Variants in AKT3 observed in about 807,000 individuals in gnomAD.
AKT3 encodes AKT serine/threonine kinase 3, also known as RAC-gamma serine/threonine-protein kinase.
Under a neutral mutation model 65.3 loss-of-function variants are expected in AKT3, and 15 were observed. That is an observed-to-expected ratio of 0.23 (90% CI 0.15 to 0.35). The LOEUF (loss-of-function observed/expected upper bound fraction) is 0.35. Ranked by LOEUF, AKT3 falls within the 10% of genes least tolerant of loss-of-function variation. AKT3 has a pLI of 1.00. For synonymous variants in AKT3, 206 were observed against 183.8 expected (o/e 1.12, Z -0.98); for missense variants, 243 against 576.5 (o/e 0.42, Z 5.92).
intron 5 of AKT3, among the ~76,000 whole-genome samples, chr1:243,642,423 C>T (rs939498583): frequency 3.3e-5 from 5 of 152,226 alleles, no homozygotes; most frequent in Admixed American, 3.3e-4. Flanking sequence ...CATTCTCCTG[C>T]CTCAGCCTCC....
chr1:243,677,007 C>G (rs1180141504), intron 3 of AKT3, among the ~76,000 whole-genome samples: 1 of 152,164 alleles, frequency 6.6e-6, no homozygotes, highest in Non-Finnish European at 1.5e-5. Context: ...CATTTCTTAG[C>G]CTGACTTTCA....
intron 3 of AKT3, among the ~76,000 whole-genome samples, chr1:243,685,253 C>G (rs1443859241): frequency 6.6e-6 from 1 of 152,106 alleles, no homozygotes; most frequent in Non-Finnish European, 1.5e-5. Context: ...ATATTATTGC[C>G]TAGGTTTTCT....
At position 243,503,558 on chromosome 1, in the gene AKT3, T is replaced by G. The variant is rs1669474848; in HGVS notation, c.*1691A>C. 4.3e-6 allele frequency: 1 copy of G among 233,268 alleles called. No homozygotes were observed. The highest frequency in any genetic ancestry group is 8.5e-6 in the Non-Finnish European group (1 of 117,848). 14.4% of individuals were successfully genotyped at this position (233,268 alleles called of 1,614,324 possible). On this transcript the variant is annotated 3_prime_UTR_variant, in exon 14 of 14. Coordinates refer to ENST00000673466, the MANE Select transcript of AKT3 (RefSeq NM_005465.7). Reference sequence around the variant, plus strand: ...GCCCCTAGGACTTCACAGGCTGCTTTGGAAATTGTCAGCTCCTAGCACCAA... The same window carrying G: ...GCCCCTAGGACTTCACAGGCTGCTTGGGAAATTGTCAGCTCCTAGCACCAA...
chr1:243,696,991 T>C (rs1472312431), intron 2 of AKT3, among the ~76,000 whole-genome samples: 1 of 152,038 alleles, frequency 6.6e-6, no homozygotes, highest in Non-Finnish European at 1.5e-5. Context: ...CACCCCAACA[T>C]GTATTTCAGA....
intron 8 of AKT3, among the ~76,000 whole-genome samples, chr1:243,597,179 T>C (rs1294864730): frequency 6.6e-6 from 1 of 152,222 alleles, no homozygotes; most frequent in East Asian, 1.9e-4. Flanking sequence ...CATCTAATCA[T>C]ATACTTAAAA....
intron 13 of AKT3, 50 bp downstream of exon 13, chr1:243,512,274 T>C: frequency 9.7e-7 from 1 of 1,029,800 alleles, no homozygotes; most frequent in Non-Finnish European, 1.4e-6. Flanking sequence ...TCAATTACAT[T>C]AGGAGAAATT....
At chr1:243,593,127 A>G (rs1571995094) in intron 8 of AKT3, among the ~76,000 whole-genome samples, 2 of 152,226 alleles carry the variant, frequency 1.3e-5, no homozygotes, top group Admixed American at 6.5e-5. Context: ...TTACAATTTT[A>G]TAGAAACACT....
rs536608535 is a variant in AKT3, at chr1:243,567,704, A to C, written c.820-3856T>G. Among the ~76,000 whole-genome samples, 18 of 151,742 alleles carry C rather than the reference A, an allele frequency of 1.2e-4. No individual in the cohort carries two copies. In the South Asian group the frequency reaches 3.1e-3, roughly 26 times the overall value. On this transcript the variant is annotated intron_variant, in intron 9 of 13. Transcript: ENST00000673466. ...ACTTTGTCTTCTCTCACCATCCTAA[A>C]ACGTTGTTTTGCTGAGCATGAATGA...
chr1:243,829,609 G>T (rs1260324766), intron 2 of AKT3, among the ~76,000 whole-genome samples: 1 of 151,990 alleles, frequency 6.6e-6, no homozygotes. Context: ...CTAAGAACAA[G>T]AATAATAATT....
At chr1:243,491,501 C>A (rs771505282) in intron 13 of AKT3, among the ~76,000 whole-genome samples, 2 of 152,188 alleles carry the variant, frequency 1.3e-5, no homozygotes, top group Admixed American at 6.5e-5. Flanking sequence ...GTTGCAAATA[C>A]TAGTGGTCAG....
intron 9 of AKT3, among the ~76,000 whole-genome samples, 192 bp from the exon 10 acceptor site, chr1:243,564,040 C>A (rs868339890): frequency 1.3e-5 from 2 of 152,064 alleles, no homozygotes; most frequent in Non-Finnish European, 2.9e-5. Flanking sequence ...AAATACTTCA[C>A]GATGATAAAA....
intron 2 of AKT3, among the ~76,000 whole-genome samples, chr1:243,697,610 T>C (rs1390967157): frequency 1.3e-5 from 2 of 152,090 alleles, no homozygotes; most frequent in Admixed American, 6.6e-5. Flanking sequence ...ACATTATGCA[T>C]TGGTCACATA....
At chr1:243,668,613 T>A (rs1199720004) in intron 3 of AKT3, among the ~76,000 whole-genome samples, 1 of 152,166 alleles carries the variant, frequency 6.6e-6, no homozygotes, top group Non-Finnish European at 1.5e-5. Context: ...CTGAATTTAA[T>A]AATGAAGAAT....
At chr1:243,635,251 G>A (rs920895197) in intron 6 of AKT3, among the ~76,000 whole-genome samples, 3 of 151,714 alleles carry the variant, frequency 2.0e-5, no homozygotes, top group African/African-American at 4.8e-5. Flanking sequence ...ACAAAAATAC[G>A]ACAGACTAAA....
intron 6 of AKT3, among the ~76,000 whole-genome samples, chr1:243,627,346 A>G (rs960553871): frequency 7.2e-6 from 1 of 139,332 alleles, no homozygotes; most frequent in Non-Finnish European, 1.5e-5. Context: ...AAAAAAAAAG[A>G]GAGAGAGACA....
At chr1:243,617,756 T>C (rs1044052443) in intron 6 of AKT3, among the ~76,000 whole-genome samples, 2 of 152,006 alleles carry the variant, frequency 1.3e-5, no homozygotes, top group Non-Finnish European at 2.9e-5. Context: ...AAGGATCAAT[T>C]AGGAAAGCAT....
chr1:243,527,490 TA>T (rs1428341078), intron 12 of AKT3, among the ~76,000 whole-genome samples: 1 of 152,184 alleles, frequency 6.6e-6, no homozygotes, highest in African/African-American at 2.4e-5. Flanking sequence ...TTATGTTTTA[TA>T]ATCATTATAA....
chr1:243,701,714 A>G (rs989800481), intron 2 of AKT3, among the ~76,000 whole-genome samples: 2 of 151,814 alleles, frequency 1.3e-5, no homozygotes, highest in African/African-American at 2.4e-5. Context: ...ATAACAAACA[A>G]AAATTCTAAT....
chr1:243,573,960 T>C (rs534648970), intron 8 of AKT3, among the ~76,000 whole-genome samples: 6 of 152,188 alleles, frequency 3.9e-5, no homozygotes, highest in Non-Finnish European at 8.8e-5. Context: ...TTAATCTTTG[T>C]TGTTGAAACA....
Sources: gnomAD v4.1 joint callset for allele counts (sites outside exome capture counted in the v4.1 genomes callset) on GRCh38, gnomAD v4.1.1 for gene constraint, MANE v1.5 for transcripts, NCBI Gene and HGNC (gene_info 2026-07-23, HGNC 2026-07-21) for gene names.